Variants in L3MBTL4 observed in about 807,000 individuals in gnomAD.
The protein encoded by L3MBTL4 is lethal(3)malignant brain tumor-like protein 4.
Under a neutral mutation model 84.5 loss-of-function variants are expected in L3MBTL4, and 70 were observed. That is an observed-to-expected ratio of 0.83 (90% confidence interval 0.68 to 1.01). L3MBTL4 has a LOEUF of 1.01. L3MBTL4 is among the 50% of genes least tolerant of loss of function. The pLI is 0.00. For synonymous variants in L3MBTL4, 274 were observed against 259.8 expected (o/e 1.05, Z -0.52); for missense variants, 715 against 754.8 (o/e 0.95, Z 0.62).
chr18:6,149,160 T>C (rs2042779450), intron 13 of L3MBTL4, among the ~76,000 whole-genome samples: 1 of 151,354 alleles, frequency 6.6e-6, no homozygotes, highest in East Asian at 2.0e-4. Flanking sequence ...AACTCGTCAT[T>C]TAGCATTAGG....
chr18:6,386,003 C>T (rs184936641), intron 1 of L3MBTL4, among the ~76,000 whole-genome samples: 17 of 152,262 alleles, frequency 1.1e-4, no homozygotes, highest in African/African-American at 4.1e-4. Flanking sequence ...TGAACAAGCA[C>T]TGAGGGAAGA....
chr18:6,041,837 A>C (rs2056415433), intron 16 of L3MBTL4, among the ~76,000 whole-genome samples: 1 of 151,754 alleles, frequency 6.6e-6, no homozygotes, highest in African/African-American at 2.4e-5. Context: ...TGATCTTCCC[A>C]TCTCAACCTC....
At chr18:6,190,177 T>C (rs1201113323) in intron 12 of L3MBTL4, among the ~76,000 whole-genome samples, 2 of 152,204 alleles carry the variant, frequency 1.3e-5, no homozygotes, top group African/African-American at 4.8e-5. Flanking sequence ...GTACATACTG[T>C]ATGACCGCAT....
chr18:6,244,074 C>T (rs534528684), intron 6 of L3MBTL4, among the ~76,000 whole-genome samples: 1 of 152,108 alleles, frequency 6.6e-6, no homozygotes, highest in African/African-American at 2.4e-5. Context: ...GAGCTCTCCA[C>T]TCTAAATAAT....
chr18:6,171,689 C>G, intron 13 of L3MBTL4, 139 bp downstream of exon 13: 1 of 467,248 alleles, frequency 2.1e-6, no homozygotes, highest in Admixed American at 4.1e-5. Context: ...AAATAATCGG[C>G]TTTCAGTGTA....
chr18:5,965,650 C>T (rs1349769741), intron 17 of L3MBTL4, among the ~76,000 whole-genome samples: 1 of 152,184 alleles, frequency 6.6e-6, no homozygotes, highest in African/African-American at 2.4e-5. Flanking sequence ...AAGTAGCTCC[C>T]TTATTTTCAA....
intron 13 of L3MBTL4, among the ~76,000 whole-genome samples, chr18:6,165,933 C>T (rs1427092185): frequency 7.9e-5 from 12 of 152,098 alleles, no homozygotes; most frequent in Non-Finnish European, 1.6e-4. Flanking sequence ...ATTCAGGAAA[C>T]CCATCTCACG....
At chr18:6,340,870 A>G (rs1412330054) in intron 1 of L3MBTL4, among the ~76,000 whole-genome samples, 1 of 152,126 alleles carries the variant, frequency 6.6e-6, no homozygotes, top group African/African-American at 2.4e-5. Context: ...TTAGCAGCCA[A>G]TCCAACTCTG....
At chr18:6,408,092 T>C (rs1387709828) in intron 1 of L3MBTL4, among the ~76,000 whole-genome samples, 2 of 152,114 alleles carry the variant, frequency 1.3e-5, no homozygotes, top group African/African-American at 4.8e-5. Context: ...AAGGCAGACT[T>C]AAACAATGGA....
At chr18:5,994,437 T>C (rs1171496381) in intron 16 of L3MBTL4, among the ~76,000 whole-genome samples, 1 of 152,226 alleles carries the variant, frequency 6.6e-6, no homozygotes, top group Non-Finnish European at 1.5e-5. Context: ...TGGCACTTAC[T>C]ATGTACCTGC....
At chr18:6,163,070 G>A (rs997031788) in intron 13 of L3MBTL4, among the ~76,000 whole-genome samples, 9 of 152,090 alleles carry the variant, frequency 5.9e-5, no homozygotes, top group African/African-American at 2.2e-4. Flanking sequence ...CAGGAAAGAA[G>A]AGAGAAAAGA....
At chr18:6,339,172 A>G (rs2052487407) in intron 1 of L3MBTL4, among the ~76,000 whole-genome samples, 1 of 152,236 alleles carries the variant, frequency 6.6e-6, no homozygotes, top group Non-Finnish European at 1.5e-5. Flanking sequence ...CATGTATACA[A>G]CACTGCACCA....
intron 11 of L3MBTL4, 71 bp from the exon 12 acceptor site, chr18:6,213,330 T>C (rs907558607): frequency 2.6e-6 from 2 of 780,914 alleles, no homozygotes; most frequent in South Asian, 1.9e-5. Flanking sequence ...TAATTTTTTC[T>C]AAAATACTAC....
intron 16 of L3MBTL4, among the ~76,000 whole-genome samples, chr18:6,012,992 C>T (rs977842746): frequency 4.6e-5 from 7 of 152,294 alleles, no homozygotes; most frequent in Non-Finnish European, 8.8e-5. Flanking sequence ...AGGTCCCCAT[C>T]GCAGCACAGT....
intron 16 of L3MBTL4, among the ~76,000 whole-genome samples, chr18:6,015,707 C>G (rs1180204506): frequency 6.6e-6 from 1 of 152,100 alleles, no homozygotes; most frequent in Non-Finnish European, 1.5e-5. Context: ...GCCTGTAACC[C>G]CAGCACTTTG....
At chr18:6,378,447 C>G (rs2054461670) in intron 1 of L3MBTL4, among the ~76,000 whole-genome samples, 1 of 151,956 alleles carries the variant, frequency 6.6e-6, no homozygotes, top group South Asian at 2.1e-4. Context: ...TTTTTATGGT[C>G]CCAGGTCTTA....
intron 16 of L3MBTL4, among the ~76,000 whole-genome samples, chr18:6,054,310 C>T (rs2056938100): frequency 6.6e-6 from 1 of 152,090 alleles, no homozygotes; most frequent in Admixed American, 6.5e-5. Context: ...TGCAGGATGG[C>T]AGTCCAGTAC....
At chr18:5,956,644 C>A (rs1174582568) in intron 18 of L3MBTL4, among the ~76,000 whole-genome samples, 3 of 152,204 alleles carry the variant, frequency 2.0e-5, no homozygotes, top group Non-Finnish European at 4.4e-5. Context: ...TATACACGAA[C>A]TGTTCCCAGG....
At chr18:5,975,866 T>C (rs1342673248) in intron 16 of L3MBTL4, among the ~76,000 whole-genome samples, 1 of 152,230 alleles carries the variant, frequency 6.6e-6, no homozygotes, top group East Asian at 1.9e-4. Flanking sequence ...GGGCATGGCC[T>C]GTCTGCTGCA....
Sources: allele counts gnomAD v4.1 joint callset (sites outside exome capture counted in the v4.1 genomes callset), GRCh38; gene constraint gnomAD v4.1.1; transcripts MANE v1.5; gene names NCBI Gene and HGNC (gene_info 2026-07-23, HGNC 2026-07-21).